Variants in IQGAP3 observed in about 807,000 individuals in gnomAD.
IQGAP3 encodes the protein IQ motif containing GTPase activating protein 3, also known as ras GTPase-activating-like protein IQGAP3.
In IQGAP3, 165 loss-of-function variants were observed where a neutral mutation model predicts 208.2. The observed-to-expected ratio is 0.79, with a 90% CI of 0.70 to 0.90. IQGAP3 has a LOEUF of 0.90. Ranked by LOEUF, IQGAP3 falls within the 40% of genes least tolerant of loss-of-function variation. IQGAP3 has a pLI of 0.00. For missense variants in IQGAP3, 1,811 were observed against 2,043.1 expected (o/e 0.89, Z 2.19); for synonymous variants, 703 against 803.6 (o/e 0.87, Z 2.12).
At chr1:156,528,811 G>A in intron 35 of IQGAP3, 105 bp downstream of exon 35, 1 of 1,362,836 alleles carries the variant, frequency 7.3e-7, no homozygotes, top group Non-Finnish European at 1.0e-6. Flanking sequence ...GTGCTGTGCT[G>A]GGTGAGATTC....
In IQGAP3 at chr1:156,537,231, G is replaced by A; in HGVS notation, c.3372C>T (p.Ala1124=). The change falls in exon 27 of 38, where the codon GCC becomes GCT. Residue 1124 remains alanine (A), a synonymous_variant. Transcript: ENST00000361170. ...RLDIALRNLL[A]MTDKFLLAIT... ...TGGCTAAAAGGAACTTATCAGTCAT[G>A]GCGAGGAGGTTGCGTAGGGCGATGT... 6.2e-7 allele frequency: 1 copy of A among 1,614,126 alleles called. No homozygotes were observed. Among genetic ancestry groups the A allele is most frequent in the South Asian group, 1.1e-5 (1 of 91,068 alleles).
rs372043901 is a variant in IQGAP3, at chr1:156,563,837, G to A, written c.438-13C>T. ...GAAGAGGAAGAGACTAGGAAAAAAC[G>A]GAAGGCATTGGAAGGCACTGGGGCC... On this transcript the variant is annotated splice_polypyrimidine_tract_variant and intron_variant, in intron 5 of 37. Coordinates refer to ENST00000361170, the MANE Select transcript of IQGAP3 (RefSeq NM_178229.5). 2.4e-5 allele frequency: 38 copies of A among 1,606,800 alleles called. No individual in the cohort carries two copies. Among genetic ancestry groups the A allele is most frequent in the Middle Eastern group, 3.3e-4 (2 of 6,078 alleles).
chr1:156,544,510 G>C (rs1357714709), intron 19 of IQGAP3, 38 bp from the exon 20 acceptor site: 1 of 1,552,506 alleles, frequency 6.4e-7, no homozygotes, highest in Admixed American at 1.7e-5. Context: ...ACTCAAGCAG[G>C]TCTCCTTTGG....
At chr1:156,564,521 C>A in intron 5 of IQGAP3, 94 bp downstream of exon 5, 1 of 854,538 alleles carries the variant, frequency 1.2e-6, no homozygotes, top group South Asian at 1.3e-5. Flanking sequence ...CTGTGGTCTA[C>A]CCTTCATCCT....
At position 156,551,737 on chromosome 1, in the gene IQGAP3, G is replaced by C. The variant is rs372045854; in HGVS notation, c.1702C>G (p.Leu568Val). ...SLPVAPRYHLLLVAAKRQKAQ... is the reference protein window; with the variant it reads ...SLPVAPRYHLVLVAAKRQKAQ... Reference sequence around the variant, plus strand: ...TTCTGCCTTTTGGCTGCCACAAGGAGGAGATGGTACCGAGGGGCGACAGGG... The same window carrying C: ...TTCTGCCTTTTGGCTGCCACAAGGACGAGATGGTACCGAGGGGCGACAGGG... Residue 568 changes from leucine to valine, a missense_variant, in exon 15 of 38, where the codon CTC becomes GTC. Leu to Val is a conservative substitution (Grantham distance 32). Transcript: ENST00000361170. The C allele has an allele frequency of 1.2e-6, 2 of 1,613,320 alleles. No homozygotes were observed. Among genetic ancestry groups the C allele is most frequent in the Non-Finnish European group, 1.7e-6 (2 of 1,179,886 alleles).
intron 31 of IQGAP3, 129 bp downstream of exon 31, chr1:156,533,644 G>C: frequency 1.5e-6 from 1 of 683,362 alleles, no homozygotes; most frequent in Non-Finnish European, 2.6e-6. Context: ...ACCAGAGGGA[G>C]AGTATGGAAC....
intron 13 of IQGAP3, 72 bp from the exon 14 acceptor site, chr1:156,552,167 G>T: frequency 6.4e-7 from 1 of 1,563,496 alleles, no homozygotes; most frequent in Non-Finnish European, 8.7e-7. Context: ...GGAAACAGTT[G>T]AACGATTTTC....
At chr1:156,539,098 C>T in intron 25 of IQGAP3, 65 bp from the exon 26 acceptor site, 10 of 1,454,552 alleles carry the variant, frequency 6.9e-6, no homozygotes, top group South Asian at 1.2e-5. Context: ...GTTGCTTTTC[C>T]TTTTTGAGAT....
chr1:156,526,855 C>A (rs144467756), intron 37 of IQGAP3, among the ~76,000 whole-genome samples: 1 of 152,034 alleles, frequency 6.6e-6, no homozygotes, highest in Non-Finnish European at 1.5e-5. Context: ...TTTTTTGAGA[C>A]GGAGTCTCAC....
In IQGAP3 at chr1:156,563,321, G is replaced by C; in HGVS notation, c.620-9C>G. ...AAGAACAGCTGCATGGACTGGGAGA[G>C]GGCATGGAAACAAGGTCAGGAGGCC... On this transcript the variant is annotated splice_polypyrimidine_tract_variant and intron_variant, in intron 7 of 37. Transcript: ENST00000361170. 6.3e-7 allele frequency: 1 copy of C among 1,579,760 alleles called. No individual in the cohort carries two copies.
At chr1:156,566,211 C>G in intron 3 of IQGAP3, 107 bp from the exon 4 acceptor site, 5 of 1,236,352 alleles carry the variant, frequency 4.0e-6, no homozygotes, top group Non-Finnish European at 5.9e-6. Context: ...CAGAGGGGAA[C>G]CAGAGGACCA....
intron 31 of IQGAP3, 94 bp downstream of exon 31, chr1:156,533,679 C>A: frequency 4.1e-6 from 4 of 970,286 alleles, no homozygotes; most frequent in Non-Finnish European, 6.4e-6. Flanking sequence ...AAGACCTAGG[C>A]TGCATGGGCA....
rs1047175645 is a variant in IQGAP3 at position 156,537,232 on chromosome 1, G to A, written c.3371C>T (p.Ala1124Val). The change falls in exon 27 of 38, where the codon GCC (alanine) becomes GTC (valine). Residue 1124 changes from alanine (A) to valine (V), a missense_variant. Ala to Val is a moderately conservative substitution (Grantham distance 64). Transcript: ENST00000361170. The stretch of plus-strand genomic sequence containing the variant: ...GGCTAAAAGGAACTTATCAGTCATG[G>A]CGAGGAGGTTGCGTAGGGCGATGTC... ...RLDIALRNLLAMTDKFLLAIT... is the reference protein window; with the variant it reads ...RLDIALRNLLVMTDKFLLAIT... 6 of 1,613,982 alleles carry A rather than the reference G, an allele frequency of 3.7e-6. No homozygotes were observed. The African/African-American group carries it at 8.0e-5, about 22-fold the overall frequency.
chr1:156,543,975 G>A lies in IQGAP3; in HGVS notation c.2530+6C>T. ...ACAGCTGGGGAGGGTGGATCAGGCA[G>A]CTCACCTAATATCCTGTAGTCATCT... On this transcript the variant is annotated splice_donor_region_variant and intron_variant, in intron 22 of 37. Coordinates refer to ENST00000361170, the MANE Select transcript of IQGAP3 (RefSeq NM_178229.5). 6.2e-7 allele frequency: 1 copy of A among 1,613,336 alleles called. No individual in the cohort carries two copies. The highest frequency in any genetic ancestry group is 8.5e-7 in the Non-Finnish European group (1 of 1,179,228).
chr1:156,533,823 T>G lies in IQGAP3; in HGVS notation c.3926A>C (p.His1309Pro), dbSNP rs148123915. Residue 1309 changes from histidine to proline, a missense_variant, in exon 31 of 38, where the codon CAT (histidine) becomes CCT (proline). Transcript: ENST00000361170. ...CIAPDHQDPL[H>P]ELLEDLGELP... ...CTCCCCAAGATCCTCCAGGAGCTCA[T>G]GCAGGGGGTCTTGGTGATCAGGGGC... The G allele has an allele frequency of 6.2e-7, 1 of 1,613,412 alleles. No homozygotes were observed. The highest frequency in any genetic ancestry group is 8.5e-7 in the Non-Finnish European group (1 of 1,179,716).
intron 13 of IQGAP3, 114 bp from the exon 14 acceptor site, chr1:156,552,209 T>C: frequency 7.7e-7 from 1 of 1,292,468 alleles, no homozygotes; most frequent in African/African-American, 1.5e-5. Context: ...CACACTCTTT[T>C]AGTTCTCTTC....
chr1:156,527,473 G>A (rs376447653), intron 37 of IQGAP3, among the ~76,000 whole-genome samples: 132 of 152,136 alleles, frequency 8.7e-4, no homozygotes, highest in African/African-American at 2.7e-3. Flanking sequence ...GTAAGGCTCC[G>A]TCTCAAGAAA....
chr1:156,526,256 T>C lies in IQGAP3; in HGVS notation c.*230A>G. ...AGGAAAGCCAGGGGTTTGTCATGCATGATAAAAGCCACACAGCTGGACTCT... is the reference window on the plus strand; with the variant it reads ...AGGAAAGCCAGGGGTTTGTCATGCACGATAAAAGCCACACAGCTGGACTCT... On this transcript the variant is annotated 3_prime_UTR_variant, in exon 38 of 38. Coordinates refer to ENST00000361170, the MANE Select transcript of IQGAP3 (RefSeq NM_178229.5). The C allele has an allele frequency of 1.9e-6, 1 of 532,924 alleles. No homozygotes were observed. The highest frequency in any genetic ancestry group is 3.4e-6 in the Non-Finnish European group (1 of 295,380). 33.0% of individuals were successfully genotyped at this position (532,924 alleles called of 1,614,324 possible).
At chr1:156,569,717 C>T (rs1676562588) in intron 1 of IQGAP3, among the ~76,000 whole-genome samples, 2 of 152,008 alleles carry the variant, frequency 1.3e-5, no homozygotes, top group Admixed American at 1.3e-4. Flanking sequence ...GACAGGGTTT[C>T]ACCATGTTAG....
Sources: allele counts gnomAD v4.1 joint callset (sites outside exome capture counted in the v4.1 genomes callset), GRCh38; gene constraint gnomAD v4.1.1; transcripts MANE v1.5; gene names NCBI Gene and HGNC (gene_info 2026-07-23, HGNC 2026-07-21).